The following PRKG1 variants were observed in gnomAD, a reference collection of about 807,000 sequenced individuals.
The protein encoded by PRKG1 is protein kinase cGMP-dependent 1.
Under a neutral mutation model 88.1 loss-of-function variants are expected in PRKG1, and 35 were observed. The observed-to-expected ratio is 0.40, with a 90% CI of 0.30 to 0.53. PRKG1 has a LOEUF of 0.53. Ranked by LOEUF, PRKG1 falls within the 20% of genes least tolerant of loss-of-function variation. PRKG1 has a pLI of 0.59. For synonymous variants in PRKG1, 303 were observed against 292.5 expected, an observed-to-expected ratio of 1.04 and a Z score of -0.37; for missense variants, 540 against 839.8, an observed-to-expected ratio of 0.64 and a Z score of 4.41.
chr10:52,044,267 G>A (rs1320365233), intron 5 of PRKG1, among the ~76,000 whole-genome samples: 1 of 152,110 alleles, frequency 6.6e-6, no homozygotes, highest in African/African-American at 2.4e-5. Flanking sequence ...ATTGCCTTTT[G>A]TCATAATGTG....
intron 4 of PRKG1, among the ~76,000 whole-genome samples, chr10:51,884,164 T>G: frequency 6.6e-6 from 1 of 151,842 alleles, no homozygotes; most frequent in East Asian, 1.9e-4. Flanking sequence ...TAAGAAAAGT[T>G]GGCCGGGCGC....
intron 2 of PRKG1, among the ~76,000 whole-genome samples, chr10:51,294,943 T>G (rs1342679205): frequency 6.6e-6 from 1 of 151,968 alleles, no homozygotes; most frequent in East Asian, 1.9e-4. Flanking sequence ...ATTTCCTGGG[T>G]ATGGTGGCAC....
intron 5 of PRKG1, among the ~76,000 whole-genome samples, chr10:51,922,663 T>C (rs865891281): frequency 1.2e-4 from 19 of 152,128 alleles, no homozygotes; most frequent in African/African-American, 3.6e-4. Context: ...CCATATGTTA[T>C]TTTAAAAATG....
At chr10:52,052,055 T>C (rs924407654) in intron 5 of PRKG1, among the ~76,000 whole-genome samples, 1 of 152,188 alleles carries the variant, frequency 6.6e-6, no homozygotes, top group Non-Finnish European at 1.5e-5. Flanking sequence ...CTACTATGTG[T>C]GACTATTTAA....
At chr10:51,871,368 C>A (rs534737564) in intron 4 of PRKG1, among the ~76,000 whole-genome samples, 1 of 152,170 alleles carries the variant, frequency 6.6e-6, no homozygotes, top group Admixed American at 6.5e-5. Flanking sequence ...ATGTGTGATC[C>A]CACGTCTTCT....
chr10:52,198,648 T>C (rs578031952), intron 9 of PRKG1, among the ~76,000 whole-genome samples: 5 of 152,274 alleles, frequency 3.3e-5, no homozygotes, highest in African/African-American at 1.2e-4. Flanking sequence ...CCTACATTCC[T>C]GTCACAGGGC....
chr10:52,058,423 T>C (rs183123739), intron 6 of PRKG1, among the ~76,000 whole-genome samples: 2 of 152,036 alleles, frequency 1.3e-5, no homozygotes, highest in Admixed American at 6.6e-5. Context: ...AAGTATAACA[T>C]CCATTCATAA....
intron 2 of PRKG1, among the ~76,000 whole-genome samples, chr10:51,435,397 A>T (rs972060993): frequency 2.1e-5 from 3 of 143,836 alleles, no homozygotes; most frequent in Non-Finnish European, 4.6e-5. Context: ...ACTTGCCTAC[A>T]CCCAGGGACA....
chr10:51,101,987 A>G (rs1258445586), intron 1 of PRKG1, among the ~76,000 whole-genome samples: 1 of 152,222 alleles, frequency 6.6e-6, no homozygotes, highest in Non-Finnish European at 1.5e-5. Context: ...AATACTTAAC[A>G]ACTAGGTCTC....
At chr10:52,098,673 GTGTCAAAAGTAA>G (rs1847229007) in intron 7 of PRKG1, among the ~76,000 whole-genome samples, 1 of 152,184 alleles carries the variant, frequency 6.6e-6, no homozygotes, top group Non-Finnish European at 1.5e-5. Flanking sequence ...AGCTTTGAAA[GTGTCAAAAGTAA>G]TGTGAAAATA....
chr10:51,284,058 T>G (rs1691308534), intron 2 of PRKG1, among the ~76,000 whole-genome samples: 2 of 152,230 alleles, frequency 1.3e-5, no homozygotes, highest in African/African-American at 4.8e-5. Context: ...TTGACTGTGA[T>G]GCTGGACTAT....
chr10:51,235,638 T>A (rs1399340923), intron 2 of PRKG1, among the ~76,000 whole-genome samples: 1 of 152,224 alleles, frequency 6.6e-6, no homozygotes, highest in Non-Finnish European at 1.5e-5. Flanking sequence ...AATACAATTC[T>A]AGATGCTTAC....
At chr10:51,745,028 C>G (rs111814184) in intron 3 of PRKG1, among the ~76,000 whole-genome samples, 5 of 152,142 alleles carry the variant, frequency 3.3e-5, no homozygotes, top group Non-Finnish European at 7.4e-5. Flanking sequence ...ACCTGATTAA[C>G]ATAGATCTTC....
chr10:51,976,371 C>T lies in PRKG1; in HGVS notation c.762+68801C>T, dbSNP rs114696846. On this transcript the variant is annotated intron_variant, in intron 5 of 17. Transcript: ENST00000373980. The stretch of plus-strand genomic sequence containing the variant: ...CCATGCAAATGTCTATCATGATTAA[C>T]GGAAAAACAAAATGTGATATATCTA... Among the ~76,000 whole-genome samples, 798 of 151,514 alleles carry T rather than the reference C, an allele frequency of 5.3e-3. 8 individuals are homozygous for T. Among genetic ancestry groups the T allele is most frequent in the African/African-American group, 0.018 (728 of 41,324 alleles).
intron 2 of PRKG1, among the ~76,000 whole-genome samples, chr10:51,237,159 C>A (rs866830463): frequency 3.3e-5 from 5 of 152,208 alleles, no homozygotes; most frequent in Admixed American, 6.5e-5. Flanking sequence ...CAAGTCATCC[C>A]TGTAATTCAA....
chr10:51,688,731 C>T (rs1841058478), intron 3 of PRKG1, among the ~76,000 whole-genome samples: 1 of 152,022 alleles, frequency 6.6e-6, no homozygotes, highest in Non-Finnish European at 1.5e-5. Context: ...CTTGTAGAAA[C>T]AGTCAACATA....
rs182987386 is a variant in PRKG1, at chr10:51,671,632, G to A, written c.593-132953G>A. 1.2e-3 allele frequency among the ~76,000 whole-genome samples: 186 copies of A among 150,230 alleles called. 1 individual carries two copies. Among genetic ancestry groups the A allele is most frequent in the Admixed American group, 3.5e-3 (53 of 15,068 alleles). On this transcript the variant is annotated intron_variant, in intron 3 of 17. Transcript: ENST00000373980. ...GATGGAGTCTCACTCTGTCACCCAG[G>A]CTGGAGTGCAGTGGCACGATTTCAG...
chr10:52,265,227 C>T (rs1841541429), intron 10 of PRKG1, among the ~76,000 whole-genome samples: 1 of 152,006 alleles, frequency 6.6e-6, no homozygotes, highest in Non-Finnish European at 1.5e-5. Context: ...CCTTAACTCC[C>T]TTCATCACCG....
At chr10:52,014,635 T>C (rs1363288449) in intron 5 of PRKG1, among the ~76,000 whole-genome samples, 1 of 152,238 alleles carries the variant, frequency 6.6e-6, no homozygotes, top group Non-Finnish European at 1.5e-5. Flanking sequence ...TTAACTCAAA[T>C]GTCCAAGTTT....
Sources: gnomAD v4.1 joint callset for allele counts (sites outside exome capture counted in the v4.1 genomes callset) on GRCh38, gnomAD v4.1.1 for gene constraint, MANE v1.5 for transcripts, NCBI Gene and HGNC (gene_info 2026-07-23, HGNC 2026-07-21) for gene names.